The following RANBP9 variants were observed in gnomAD, a reference collection of about 807,000 sequenced individuals.
RANBP9 encodes the protein ran-binding protein 9.
In RANBP9, 15 loss-of-function variants were observed where a neutral mutation model predicts 84.3. The ratio of observed to expected loss-of-function variants is 0.18; its 90% CI spans 0.12 to 0.27. The LOEUF is 0.27. Ranked by LOEUF, RANBP9 falls within the 10% of genes least tolerant of loss-of-function variation. The pLI is 1.00. For synonymous variants in RANBP9, 392 were observed against 349.6 expected, an observed-to-expected ratio of 1.12 and a Z score of -1.35; for missense variants, 809 against 912.8, an observed-to-expected ratio of 0.89 and a Z score of 1.46.
intron 2 of RANBP9, among the ~76,000 whole-genome samples, chr6:13,666,186 A>T (rs1765640149): frequency 6.6e-6 from 1 of 152,164 alleles, no homozygotes; most frequent in Admixed American, 6.6e-5. Context: ...TGATATATAC[A>T]TGCTGTAGTG....
intron 10 of RANBP9, among the ~76,000 whole-genome samples, chr6:13,637,177 AT>A (rs977957607): frequency 2.0e-4 from 31 of 152,278 alleles, no homozygotes; most frequent in African/African-American, 5.5e-4. Context: ...ACTGACTGAG[AT>A]ATCATCTTTC....
At chr6:13,701,782 A>G (rs1228010408) in intron 1 of RANBP9, among the ~76,000 whole-genome samples, 1 of 151,638 alleles carries the variant, frequency 6.6e-6, no homozygotes, top group Non-Finnish European at 1.5e-5. Context: ...AAAAAAAAAA[A>G]CCAAAAAAAC....
chr6:13,643,417 T>C (rs1466874279), intron 6 of RANBP9, among the ~76,000 whole-genome samples: 1 of 152,168 alleles, frequency 6.6e-6, no homozygotes, highest in Non-Finnish European at 1.5e-5. Flanking sequence ...AAGGGCCAGT[T>C]AGAAAATCGT....
At chr6:13,622,541 TA>T (rs1764480719) in intron 13 of RANBP9, 49 bp from the exon 14 acceptor site, 3 of 1,495,950 alleles carry the variant, frequency 2.0e-6, no homozygotes, top group Non-Finnish European at 2.7e-6. Flanking sequence ...CAAGACATTT[TA>T]AAAAACATTT....
intron 7 of RANBP9, 76 bp from the exon 8 acceptor site, chr6:13,641,383 A>G: frequency 1.2e-6 from 1 of 828,886 alleles, no homozygotes; most frequent in South Asian, 1.7e-5. Context: ...CTCAGAAAAG[A>G]AAGTTAGTAA....
intron 12 of RANBP9, among the ~76,000 whole-genome samples, chr6:13,628,988 A>AT (rs5874429): frequency 0.91 from 137,849 of 152,286 alleles, 62,639 homozygotes; most frequent in East Asian, 1. Context: ...CAGTGGAATA[A>AT]TTTAAGAAAC....
chr6:13,639,970 T>C (rs888133349), intron 8 of RANBP9, among the ~76,000 whole-genome samples: 2 of 152,156 alleles, frequency 1.3e-5, no homozygotes, highest in African/African-American at 4.8e-5. Flanking sequence ...ACTATAATAA[T>C]ATTACCCCCT....
chr6:13,670,502 A>G (rs563880429), intron 2 of RANBP9, among the ~76,000 whole-genome samples: 2 of 152,186 alleles, frequency 1.3e-5, no homozygotes, highest in Admixed American at 6.5e-5. Context: ...CACAAGAAAA[A>G]ATAGACAAAC....
intron 1 of RANBP9, among the ~76,000 whole-genome samples, chr6:13,705,709 A>C (rs1196611230): frequency 6.6e-6 from 1 of 151,172 alleles, no homozygotes; most frequent in African/African-American, 2.4e-5. Context: ...AAAATACAAA[A>C]GAAATTAGCC....
chr6:13,669,951 T>C (rs908893371), intron 2 of RANBP9, among the ~76,000 whole-genome samples: 2 of 151,844 alleles, frequency 1.3e-5, no homozygotes, highest in Non-Finnish European at 2.9e-5. Context: ...GAACTGGTTT[T>C]TTTTTTTTCA....
chr6:13,671,762 T>C (rs1056279403), intron 2 of RANBP9, among the ~76,000 whole-genome samples: 5 of 152,110 alleles, frequency 3.3e-5, no homozygotes, highest in African/African-American at 1.2e-4. Context: ...AGGGTGAATA[T>C]GTACATGAAT....
Position 13,711,803 on chromosome 6 carries a change from C to T in RANBP9, c.-298G>A, listed in dbSNP as rs1449479960. On this transcript the variant is annotated 5_prime_UTR_variant, in exon 1 of 14. Transcript: ENST00000011619. The stretch of plus-strand genomic sequence containing the variant: ...AGCGCGGGAGGGGAAGGCGCGCTGG[C>T]GGCCGCCGCGGCCGCTGCTCTCGCG... Among the ~76,000 whole-genome samples, 2 of 145,922 alleles carry T rather than the reference C, an allele frequency of 1.4e-5. No individual in the cohort carries two copies. The highest frequency in any genetic ancestry group is 4.9e-5 in the African/African-American group (2 of 40,616).
At chr6:13,668,404 A>G (rs1333577320) in intron 2 of RANBP9, among the ~76,000 whole-genome samples, 3 of 152,140 alleles carry the variant, frequency 2.0e-5, no homozygotes, top group African/African-American at 7.2e-5. Flanking sequence ...CCAAAACTAG[A>G]TAAAGGCATC....
chr6:13,698,500 T>A (rs918397463), intron 1 of RANBP9, among the ~76,000 whole-genome samples: 1 of 152,164 alleles, frequency 6.6e-6, no homozygotes, highest in African/African-American at 2.4e-5. Flanking sequence ...AACTACATAT[T>A]TAAAAATTAG....
At chr6:13,687,069 G>T (rs577194035) in intron 2 of RANBP9, among the ~76,000 whole-genome samples, 1 of 152,028 alleles carries the variant, frequency 6.6e-6, no homozygotes, top group African/African-American at 2.4e-5. Context: ...AATCTCAGAC[G>T]AATTCCCTCC....
intron 12 of RANBP9, among the ~76,000 whole-genome samples, chr6:13,628,416 A>C (rs887593770): frequency 7.9e-5 from 12 of 152,226 alleles, no homozygotes; most frequent in Non-Finnish European, 1.8e-4. Flanking sequence ...AGAAAAAAGC[A>C]TGGTTGGAAA....
chr6:13,671,448 A>G (rs538806299), intron 2 of RANBP9, among the ~76,000 whole-genome samples: 1 of 152,380 alleles, frequency 6.6e-6, no homozygotes, highest in Admixed American at 6.5e-5. Context: ...TTAATTTGGC[A>G]ACAAAAAGGA....
chr6:13,641,703 A>C (rs929996281), intron 7 of RANBP9, among the ~76,000 whole-genome samples: 8 of 152,142 alleles, frequency 5.3e-5, no homozygotes, highest in Non-Finnish European at 1.2e-4. Flanking sequence ...TTTAACAGAG[A>C]CTCGTTGAGC....
chr6:13,655,711 GT>G (rs932722994), intron 4 of RANBP9, among the ~76,000 whole-genome samples: 3 of 152,080 alleles, frequency 2.0e-5, no homozygotes, highest in Non-Finnish European at 4.4e-5. Flanking sequence ...AGAGATTGTG[GT>G]TTTTTCAAAA....
Sources: gnomAD v4.1 joint callset for allele counts (sites outside exome capture counted in the v4.1 genomes callset) on GRCh38, gnomAD v4.1.1 for gene constraint, MANE v1.5 for transcripts, NCBI Gene and HGNC (gene_info 2026-07-23, HGNC 2026-07-21) for gene names.